The following MMRN1 variants were observed in gnomAD, a reference collection of about 807,000 sequenced individuals.
MMRN1 encodes multimerin-1.
In MMRN1, 94 loss-of-function variants were observed where a neutral mutation model predicts 100.7. The ratio of observed to expected loss-of-function variants is 0.93; its 90% CI spans 0.79 to 1.11. The LOEUF (loss-of-function observed/expected upper bound fraction) is 1.11. Ranked by LOEUF, MMRN1 falls within the 50% of genes least tolerant of loss-of-function variation. The pLI, the probability that MMRN1 is intolerant of heterozygous loss-of-function variation, is 0.00. For synonymous variants in MMRN1, 575 were observed against 505.0 expected, an observed-to-expected ratio of 1.14 and a Z score of -1.86; for missense variants, 1,606 against 1,439.1, an observed-to-expected ratio of 1.12 and a Z score of -1.88.
chr4:89,944,127 C>T (rs1722916901), intron 6 of MMRN1, among the ~76,000 whole-genome samples: 1 of 152,178 alleles, frequency 6.6e-6, no homozygotes, highest in South Asian at 2.1e-4. Flanking sequence ...AAAGAAACAA[C>T]ATACCACAGC....
chr4:89,926,194 A>G (rs1722253004), intron 4 of MMRN1, among the ~76,000 whole-genome samples: 1 of 152,134 alleles, frequency 6.6e-6, no homozygotes, highest in Non-Finnish European at 1.5e-5. Context: ...GTTTTTGAGG[A>G]ACCTCCAAAC....
upstream of MMRN1, chr4:89,894,810 A>G (rs1721135944): frequency 7.7e-7 from 1 of 1,293,158 alleles, no homozygotes; most frequent in South Asian, 1.8e-5. Context: ...AGGAAACCGA[A>G]CTTCCTGAGT....
At chr4:89,913,726 A>G (rs1002657012) in intron 3 of MMRN1, among the ~76,000 whole-genome samples, 1 of 151,310 alleles carries the variant, frequency 6.6e-6, no homozygotes, top group East Asian at 1.9e-4. Context: ...AAATCATTGT[A>G]TTAATTTCCA....
upstream of MMRN1, among the ~76,000 whole-genome samples, chr4:89,893,585 C>T (rs978704087): frequency 5.9e-5 from 9 of 152,006 alleles, no homozygotes; most frequent in African/African-American, 1.9e-4. Flanking sequence ...CAATCAATGA[C>T]TGAATATTTA....
At chr4:89,928,617 G>C (rs1207502201) in intron 5 of MMRN1, among the ~76,000 whole-genome samples, 2 of 152,062 alleles carry the variant, frequency 1.3e-5, no homozygotes, top group Non-Finnish European at 2.9e-5. Flanking sequence ...TCTTGCAGTT[G>C]TAGGACTGAG....
chr4:89,937,511 G>T (rs1194926013), intron 6 of MMRN1, among the ~76,000 whole-genome samples: 1 of 152,030 alleles, frequency 6.6e-6, no homozygotes, highest in East Asian at 1.9e-4. Context: ...AGGGAGAGTG[G>T]CAAGAAAAAT....
intron 5 of MMRN1, among the ~76,000 whole-genome samples, chr4:89,932,794 C>G (rs536704646): frequency 5.3e-5 from 8 of 152,274 alleles, no homozygotes; most frequent in Non-Finnish European, 1.0e-4. Flanking sequence ...CTAGGCTTCC[C>G]AGCTGGTGAT....
At chr4:89,900,250 T>C (rs1200113459) in intron 1 of MMRN1, among the ~76,000 whole-genome samples, 1 of 152,086 alleles carries the variant, frequency 6.6e-6, no homozygotes, top group Non-Finnish European at 1.5e-5. Flanking sequence ...ATGTGTGAAA[T>C]TTGGTCTTTC....
At chr4:89,922,101 T>C (rs1722107265) in intron 3 of MMRN1, among the ~76,000 whole-genome samples, 1 of 145,608 alleles carries the variant, frequency 6.9e-6, no homozygotes, top group Non-Finnish European at 1.5e-5. Flanking sequence ...TTTTAATTAT[T>C]GATTGATTGA....
In MMRN1 at chr4:89,903,255, C is replaced by T. The variant is rs113115290; in HGVS notation, c.624-6021C>T. Among the ~76,000 whole-genome samples the T allele has an allele frequency of 1.3e-4, 20 of 151,380 alleles. 1 individual carries two copies. Among genetic ancestry groups the T allele is most frequent in the African/African-American group, 4.1e-4 (17 of 41,340 alleles). On this transcript the variant is annotated intron_variant, in intron 1 of 7. Transcript: ENST00000264790. The stretch of plus-strand genomic sequence containing the variant: ...TTTGATTAAAAACTTCTCTTTTTAG[C>T]TTGATTGGAAAAAATAAAGATTTCA...
intron 4 of MMRN1, among the ~76,000 whole-genome samples, chr4:89,924,982 TC>T (rs1377082792): frequency 1.3e-5 from 2 of 152,156 alleles, no homozygotes; most frequent in African/African-American, 2.4e-5. Flanking sequence ...GAGGTATCCA[TC>T]CCCTCAAGCA....
At chr4:89,952,669 G>A (rs754175870) in intron 7 of MMRN1, among the ~76,000 whole-genome samples, 29 of 152,144 alleles carry the variant, frequency 1.9e-4, no homozygotes, top group Middle Eastern at 3.2e-3. Context: ...TAATCATAGA[G>A]TGCTTTGAAT....
intron 1 of MMRN1, among the ~76,000 whole-genome samples, chr4:89,897,311 C>T (rs142680023): frequency 0.024 from 3,604 of 151,938 alleles, 56 homozygotes; most frequent in Middle Eastern, 0.065. Context: ...CAGGTTCAAG[C>T]GATTCTCTTG....
chr4:89,896,461 GA>G (rs1282480761), intron 1 of MMRN1, among the ~76,000 whole-genome samples: 3 of 151,966 alleles, frequency 2.0e-5, no homozygotes, highest in African/African-American at 7.2e-5. Context: ...AATAAACAAA[GA>G]AAAAATATCT....
In MMRN1 at chr4:89,898,743, T is replaced by TTG. The variant is rs1359496651; in HGVS notation, c.623+3149_623+3150insTG. On this transcript the variant is annotated intron_variant, in intron 1 of 7. Coordinates refer to ENST00000264790, the MANE Select transcript of MMRN1 (RefSeq NM_007351.3). The stretch of plus-strand genomic sequence containing the variant: ...ACAATGGGCCCTCTTTTGCCATCGT[T>TTG]CTCTCTTTTCACACCTAATAATAAC... 2.0e-5 allele frequency among the ~76,000 whole-genome samples: 3 copies of TTG among 152,072 alleles called. No individual in the cohort carries two copies. The East Asian group carries it at 5.8e-4, about 29-fold the overall frequency.
At chr4:89,892,966 G>C (rs1721087841), upstream of MMRN1, among the ~76,000 whole-genome samples, 1 of 151,940 alleles carries the variant, frequency 6.6e-6, no homozygotes, top group African/African-American at 2.4e-5. Context: ...AGGAAAATTG[G>C]TGTAAAATTG....
At chr4:89,925,762 G>C (rs1722237696) in intron 4 of MMRN1, among the ~76,000 whole-genome samples, 1 of 151,910 alleles carries the variant, frequency 6.6e-6, no homozygotes, top group South Asian at 2.1e-4. Flanking sequence ...CCTGGGAGGT[G>C]AACCATCCCC....
rs750289929 is a variant in MMRN1 at position 89,909,342 on chromosome 4, T to C, written c.690T>C (p.Tyr230=). 1 of 1,610,124 alleles carries C rather than the reference T, an allele frequency of 6.2e-7. No individual in the cohort carries two copies. The highest frequency in any genetic ancestry group is 1.1e-5 in the South Asian group (1 of 90,944). Residue 230 remains tyrosine, a synonymous_variant, in exon 2 of 8, where the codon TAT becomes TAC. Coordinates refer to ENST00000264790, the MANE Select transcript of MMRN1 (RefSeq NM_007351.3). ...PTVILDNQVT[Y]VPGGKGPCGW... is the part of the protein sequence containing the mutation. The stretch of plus-strand genomic sequence containing the variant: ...TGATATTGGACAACCAGGTCACTTA[T>C]GTCCCAGGTGGGAAAGGACCTTGTG...
At chr4:89,910,134 C>T (rs1404085928) in intron 2 of MMRN1, among the ~76,000 whole-genome samples, 1 of 151,340 alleles carries the variant, frequency 6.6e-6, no homozygotes, top group Non-Finnish European at 1.5e-5. Flanking sequence ...TGGAACAGTG[C>T]ACAATAAGGA....
Sources: gnomAD v4.1 joint callset for allele counts (sites outside exome capture counted in the v4.1 genomes callset) on GRCh38, gnomAD v4.1.1 for gene constraint, MANE v1.5 for transcripts, NCBI Gene and HGNC (gene_info 2026-07-23, HGNC 2026-07-21) for gene names.